AVEN: variants seen among roughly 807,000 people sequenced by gnomAD.
AVEN encodes apoptosis and caspase activation inhibitor.
Under a neutral mutation model 38.1 loss-of-function variants are expected in AVEN, and 41 were observed. The observed-to-expected ratio is 1.08, with a 90% CI of 0.84 to 1.40. The LOEUF (loss-of-function observed/expected upper bound fraction) is 1.40, where lower values mean the gene tolerates loss of function less well. Among genes scored for constraint, AVEN ranks in the 40% most tolerant of loss-of-function variants. The probability of loss-of-function intolerance (pLI) is 0.00; values close to 1 mark genes in which losing one functional copy is unlikely to be tolerated. For missense variants in AVEN, 605 were observed against 438.8 expected, an observed-to-expected ratio of 1.38 and a Z score of -3.38; for synonymous variants, 206 against 171.8, an observed-to-expected ratio of 1.20 and a Z score of -1.56.
chr15:33,876,557 G>A (rs2153036354), intron 2 of AVEN, among the ~76,000 whole-genome samples: 2 of 152,040 alleles, frequency 1.3e-5, no homozygotes, highest in South Asian at 4.2e-4. Flanking sequence ...GGGTGACAGA[G>A]TGAGACCCTA....
intron 2 of AVEN, among the ~76,000 whole-genome samples, chr15:33,983,847 T>C (rs1896302338): frequency 6.6e-6 from 1 of 151,962 alleles, no homozygotes; most frequent in Non-Finnish European, 1.5e-5. Flanking sequence ...ATAAATATTT[T>C]GTGTCCACTG....
intron 1 of AVEN, among the ~76,000 whole-genome samples, chr15:34,026,445 G>A (rs559536346): frequency 6.6e-6 from 1 of 152,222 alleles, no homozygotes; most frequent in South Asian, 2.1e-4. Flanking sequence ...GATGACAAGG[G>A]GAGATATGTT....
At chr15:33,956,653 G>T (rs1257246901) in intron 2 of AVEN, among the ~76,000 whole-genome samples, 1 of 152,182 alleles carries the variant, frequency 6.6e-6, no homozygotes, top group Non-Finnish European at 1.5e-5. Flanking sequence ...TTGCCATGCA[G>T]AAATTCGTCA....
chr15:33,916,661 C>T (rs1029817087), intron 2 of AVEN, among the ~76,000 whole-genome samples: 3 of 151,916 alleles, frequency 2.0e-5, no homozygotes, highest in Non-Finnish European at 4.4e-5. Context: ...CCTGCAAGAA[C>T]GGCCATAATA....
chr15:33,960,424 T>A (rs1214644231), intron 2 of AVEN, among the ~76,000 whole-genome samples: 1 of 141,878 alleles, frequency 7.0e-6, no homozygotes, highest in Non-Finnish European at 1.5e-5. Flanking sequence ...GTGTCTCGTG[T>A]GTGTGTGTGT....
rs145398202 is a variant in AVEN at position 33,907,610 on chromosome 15, T to A, written c.446-31615A>T. ...ACAGCCTTGGAAGCTAGATTTCATG[T>A]TGCTATCTGCCTTTTATTCCCCTCA... On this transcript the variant is annotated intron_variant, in intron 2 of 5. Transcript: ENST00000306730. 5.7e-3 allele frequency among the ~76,000 whole-genome samples: 870 copies of A among 152,300 alleles called. 5 individuals carry two copies. The highest frequency in any genetic ancestry group is 0.015 in the South Asian group (72 of 4,832).
intron 2 of AVEN, among the ~76,000 whole-genome samples, chr15:33,924,367 C>CA (rs1439645756): frequency 0.023 from 3,031 of 133,392 alleles, 85 homozygotes; most frequent in African/African-American, 0.068. Context: ...GAGACTGTCT[C>CA]AAAAAAAAAA....
chr15:33,942,171 A>G (rs537613466), intron 2 of AVEN, among the ~76,000 whole-genome samples: 1 of 152,346 alleles, frequency 6.6e-6, no homozygotes, highest in South Asian at 2.1e-4. Context: ...TACAGCTATT[A>G]CTAAATAGAG....
intron 2 of AVEN, among the ~76,000 whole-genome samples, chr15:33,959,731 A>G (rs1386279586): frequency 6.6e-6 from 1 of 151,800 alleles, no homozygotes; most frequent in African/African-American, 2.4e-5. Context: ...TGGAGACATT[A>G]TAAGGAGTAA....
rs533788693 is a variant in AVEN, at chr15:33,899,460, C to CT, written c.446-23466dup. 1.1e-3 allele frequency among the ~76,000 whole-genome samples: 70 copies of CT among 65,432 alleles called. 5 individuals are homozygous for CT. Among genetic ancestry groups the CT allele is most frequent in the South Asian group, 8.3e-3 (12 of 1,444 alleles). The allele number at this position is 65,432 out of a possible 152,430, so 42.9% of individuals were successfully genotyped here. On this transcript the variant is annotated intron_variant, in intron 2 of 5. Coordinates refer to ENST00000306730, the MANE Select transcript of AVEN (RefSeq NM_020371.3). Reference sequence around the variant, plus strand: ...TACATTTATTTGCTTCAGGGAAAACCTTTTTTTTTTTTTTTTTTTTTTTTT... The same window carrying CT: ...TACATTTATTTGCTTCAGGGAAAACCTTTTTTTTTTTTTTTTTTTTTTTTTT...
chr15:33,910,445 G>T (rs1293831134), intron 2 of AVEN, among the ~76,000 whole-genome samples: 5 of 152,204 alleles, frequency 3.3e-5, no homozygotes, highest in Non-Finnish European at 7.3e-5. Context: ...AAGAACTCAG[G>T]CCACAAAGGC....
intron 2 of AVEN, among the ~76,000 whole-genome samples, chr15:33,982,019 T>C (rs961440857): frequency 2.0e-5 from 3 of 148,144 alleles, no homozygotes; most frequent in Non-Finnish European, 4.4e-5. Context: ...CCCTGCTAAT[T>C]TTTGTATTTT....
chr15:34,020,584 T>C (rs919550244), intron 1 of AVEN, among the ~76,000 whole-genome samples: 1 of 152,198 alleles, frequency 6.6e-6, no homozygotes, highest in African/African-American at 2.4e-5. Context: ...GAAATGGATT[T>C]CAATTCTCAC....
intron 2 of AVEN, among the ~76,000 whole-genome samples, chr15:33,958,751 G>C (rs915625890): frequency 6.6e-6 from 1 of 152,046 alleles, no homozygotes; most frequent in African/African-American, 2.4e-5. Flanking sequence ...TAGTTCAACA[G>C]GCACCTTTGT....
At chr15:33,940,699 G>A (rs530012699) in intron 2 of AVEN, among the ~76,000 whole-genome samples, 2 of 152,052 alleles carry the variant, frequency 1.3e-5, no homozygotes, top group African/African-American at 2.4e-5. Flanking sequence ...CTGACACCAC[G>A]CCCAGATAAT....
rs140826673 is a variant in AVEN at position 34,052,364 on chromosome 15, C to T, written n.1637+10558G>A. The stretch of plus-strand genomic sequence containing the variant: ...ACATACCACAAAATAATAAAAGCCA[C>T]CTGTGACAGACTCACAGCCAATGTC... On this transcript the variant is annotated intron_variant and non_coding_transcript_variant, in intron 5 of 11. Transcript: ENST00000675287. 4.4e-3 allele frequency among the ~76,000 whole-genome samples: 666 copies of T among 152,218 alleles called. 4 individuals are homozygous for T. Among genetic ancestry groups the T allele is most frequent in the African/African-American group, 0.015 (639 of 41,534 alleles).
chr15:33,899,335 A>G (rs1337063241), intron 2 of AVEN, among the ~76,000 whole-genome samples: 1 of 152,126 alleles, frequency 6.6e-6, no homozygotes, highest in Admixed American at 6.6e-5. Context: ...AACTAGAAAC[A>G]GCTGGAGGGT....
chr15:33,855,467 G>A (rs2079554483), downstream of AVEN, among the ~76,000 whole-genome samples: 1 of 152,212 alleles, frequency 6.6e-6, no homozygotes, highest in South Asian at 2.1e-4. Context: ...GCCTCCCGAA[G>A]TGCTGGGATT....
downstream of AVEN, among the ~76,000 whole-genome samples, chr15:33,862,266 G>A (rs1324361686): frequency 6.6e-6 from 1 of 152,130 alleles, no homozygotes; most frequent in Non-Finnish European, 1.5e-5. Flanking sequence ...AGGCTCGAGT[G>A]CAGTGGTATG....
Sources: allele counts gnomAD v4.1 joint callset (sites outside exome capture counted in the v4.1 genomes callset), GRCh38; gene constraint gnomAD v4.1.1; transcripts MANE v1.5; gene names NCBI Gene and HGNC (gene_info 2026-07-23, HGNC 2026-07-21).